Variants in RHAG observed in about 807,000 individuals in gnomAD.
RHAG encodes ammonium transporter Rh type A.
A neutral mutation model predicts 42.4 loss-of-function variants in RHAG; 25 were observed. That is an observed-to-expected ratio of 0.59 (90% confidence interval 0.43 to 0.82). RHAG has a LOEUF of 0.82. RHAG is among the 40% of genes least tolerant of loss of function. The pLI, the probability that RHAG is intolerant of heterozygous loss-of-function variation, is 0.00. For synonymous variants in RHAG, 182 were observed against 177.7 expected, an observed-to-expected ratio of 1.02 and a Z score of -0.19; for missense variants, 483 against 504.6, an observed-to-expected ratio of 0.96 and a Z score of 0.41.
intron 1 of RHAG, among the ~76,000 whole-genome samples, chr6:49,631,399 T>C (rs569113080): frequency 6.6e-6 from 1 of 152,372 alleles, no homozygotes; most frequent in Admixed American, 6.5e-5. Context: ...TATTCTTCTA[T>C]AAAGAAGAGC....
chr6:49,609,344 C>T (rs1311495426), intron 7 of RHAG, among the ~76,000 whole-genome samples: 1 of 152,134 alleles, frequency 6.6e-6, no homozygotes, highest in Non-Finnish European at 1.5e-5. Context: ...TGTCTGACCT[C>T]CCAGTGAGGC....
At chr6:49,611,898 T>C (rs1364308339) in intron 6 of RHAG, among the ~76,000 whole-genome samples, 1 of 151,594 alleles carries the variant, frequency 6.6e-6, no homozygotes, top group African/African-American at 2.4e-5. Context: ...CCCGCCACCA[T>C]GCCCGGCTAA....
At position 49,632,703 on chromosome 6, in the gene RHAG, T is replaced by TAA. The variant is rs201296336; in HGVS notation, c.157+3951_157+3952dup. On this transcript the variant is annotated intron_variant, in intron 1 of 9. Coordinates refer to ENST00000371175, the MANE Select transcript of RHAG (RefSeq NM_000324.3). ...AACGGATTTTTAATGCCACAGAGTA[T>TAA]AAAAAAATCATTAATATGATTTTAA... Among the ~76,000 whole-genome samples, 74 of 152,142 alleles carry TAA rather than the reference T, an allele frequency of 4.9e-4. 1 individual carries two copies. In the East Asian group the frequency reaches 0.011, roughly 23 times the overall value.
At chr6:49,624,715 A>G (rs1176058856) in intron 1 of RHAG, among the ~76,000 whole-genome samples, 1 of 152,232 alleles carries the variant, frequency 6.6e-6, no homozygotes, top group East Asian at 1.9e-4. Flanking sequence ...TATCTGGTAC[A>G]GAGTGCATGT....
At chr6:49,635,799 T>C (rs774670740) in intron 1 of RHAG, among the ~76,000 whole-genome samples, 1 of 152,174 alleles carries the variant, frequency 6.6e-6, no homozygotes, top group African/African-American at 2.4e-5. Context: ...TTAAAAAGCT[T>C]AGACATATGC....
At chr6:49,608,470 C>T (rs1985222) in intron 7 of RHAG, among the ~76,000 whole-genome samples, 32 of 143,420 alleles carry the variant, frequency 2.2e-4, no homozygotes, top group African/African-American at 4.1e-4. Context: ...GTCTCCTCCC[C>T]GCGTTCAAGC....
At chr6:49,616,808 T>C (rs1762664232) in intron 3 of RHAG, among the ~76,000 whole-genome samples, 2 of 152,256 alleles carry the variant, frequency 1.3e-5, no homozygotes, top group South Asian at 2.1e-4. Flanking sequence ...CCAGCATATA[T>C]GATCTATCTA....
chr6:49,612,625 C>G (rs1414367154), intron 5 of RHAG, 91 bp from the exon 6 acceptor site: 1 of 1,460,668 alleles, frequency 6.8e-7, no homozygotes, highest in Non-Finnish European at 9.6e-7. Context: ...AGACCCACAT[C>G]ACATTCTTCA....
chr6:49,615,005 T>C, intron 4 of RHAG, 152 bp from the exon 5 acceptor site: 1 of 710,230 alleles, frequency 1.4e-6, no homozygotes. Flanking sequence ...TGGAGTGCAG[T>C]GGCTTGATCT....
intron 2 of RHAG, 140 bp downstream of exon 2, chr6:49,619,039 C>T: frequency 1.1e-6 from 1 of 902,322 alleles, no homozygotes; most frequent in Non-Finnish European, 1.8e-6. Context: ...GGACACTGAT[C>T]CCATTCATAA....
At chr6:49,611,388 G>T (rs1442691947) in intron 6 of RHAG, among the ~76,000 whole-genome samples, 1 of 151,972 alleles carries the variant, frequency 6.6e-6, no homozygotes, top group African/African-American at 2.4e-5. Context: ...TTGTTTTTTT[G>T]TGTTAAGAGT....
At chr6:49,617,305 T>C (rs926454253) in intron 3 of RHAG, among the ~76,000 whole-genome samples, 1 of 152,216 alleles carries the variant, frequency 6.6e-6, no homozygotes, top group Admixed American at 6.5e-5. Context: ...ATCTTCCAGT[T>C]ACACTTTCTC....
intron 4 of RHAG, 68 bp downstream of exon 4, chr6:49,615,556 T>G: frequency 6.4e-7 from 1 of 1,556,214 alleles, no homozygotes; most frequent in Non-Finnish European, 8.9e-7. Context: ...CTCACACCCT[T>G]GTTGAAGTTA....
intron 7 of RHAG, among the ~76,000 whole-genome samples, chr6:49,609,843 C>T (rs1313128984): frequency 6.6e-6 from 1 of 152,142 alleles, no homozygotes; most frequent in Non-Finnish European, 1.5e-5. Flanking sequence ...CCCTCTTCTT[C>T]ATGCTTTCAA....
intron 1 of RHAG, among the ~76,000 whole-genome samples, chr6:49,629,695 G>T (rs537034129): frequency 2.7e-3 from 418 of 152,326 alleles, no homozygotes; most frequent in Middle Eastern, 0.01. Flanking sequence ...CCTGCCCCAC[G>T]GGAAGGCAGC....
chr6:49,618,778 A>G (rs1330614469), intron 2 of RHAG, among the ~76,000 whole-genome samples: 1 of 152,240 alleles, frequency 6.6e-6, no homozygotes, highest in Non-Finnish European at 1.5e-5. Context: ...TGATTTGAAA[A>G]TGAAATGGCT....
intron 1 of RHAG, among the ~76,000 whole-genome samples, chr6:49,634,111 C>G (rs781655572): frequency 3.9e-5 from 6 of 152,124 alleles, no homozygotes; most frequent in African/African-American, 1.4e-4. Flanking sequence ...GAACATTTAT[C>G]ATTTCTTTGT....
intron 1 of RHAG, among the ~76,000 whole-genome samples, chr6:49,633,629 G>A (rs752186087): frequency 6.6e-6 from 1 of 152,124 alleles, no homozygotes; most frequent in African/African-American, 2.4e-5. Context: ...GTTATGGACA[G>A]CATTTTGAGT....
chr6:49,623,018 T>C (rs1762789754), intron 1 of RHAG, among the ~76,000 whole-genome samples: 1 of 143,564 alleles, frequency 7.0e-6, no homozygotes, highest in Admixed American at 6.8e-5. Context: ...TTTGTATTTT[T>C]AGTAGAGACG....
Sources: gnomAD v4.1 joint callset for allele counts (sites outside exome capture counted in the v4.1 genomes callset) on GRCh38, gnomAD v4.1.1 for gene constraint, MANE v1.5 for transcripts, NCBI Gene and HGNC (gene_info 2026-07-23, HGNC 2026-07-21) for gene names.